SENP1: variants seen among roughly 807,000 people sequenced by gnomAD.
SENP1 encodes the protein SUMO specific peptidase 1.
A neutral mutation model predicts 93.0 loss-of-function variants in SENP1; 21 were observed. That is an observed-to-expected ratio of 0.23 (90% CI 0.16 to 0.33). The LOEUF is 0.33. Among genes scored for constraint, SENP1 ranks in the 10% least tolerant of loss-of-function variants. The probability of loss-of-function intolerance (pLI) is 1.00; values close to 1 mark genes in which losing one functional copy is unlikely to be tolerated. For missense variants in SENP1, 591 were observed against 758.7 expected, an observed-to-expected ratio of 0.78 and a Z score of 2.60; for synonymous variants, 256 against 259.6, an observed-to-expected ratio of 0.99 and a Z score of 0.13.
chr12:48,054,918 T>C (rs148210816), intron 13 of SENP1: 2 of 187,716 alleles, frequency 1.1e-5, no homozygotes, highest in East Asian at 3.0e-4. Context: ...TTAAAATATA[T>C]ACATTTTTAA....
In SENP1 at chr12:48,063,779, T is replaced by C; in HGVS notation, c.1338A>G (p.Glu446=). The change falls in exon 13 of 18, where the codon GAA becomes GAG. Residue 446 remains glutamate (E), a synonymous_variant. Transcript: ENST00000549518. ...TGCGTGTAATGGTCAGGCGAAATGC[T>C]TCACTGAGAACTTCATCCTGATTCC... ...RNGNQDEVLS[E]AFRLTITRKD... The C allele has an allele frequency of 6.2e-7, 1 of 1,613,164 alleles. No homozygotes were observed. The highest frequency in any genetic ancestry group is 8.5e-7 in the Non-Finnish European group (1 of 1,179,386).
chr12:48,102,752 C>G (rs546986645), intron 1 of SENP1, among the ~76,000 whole-genome samples: 17 of 145,206 alleles, frequency 1.2e-4, no homozygotes, highest in Admixed American at 8.5e-4. Context: ...TCTTGGCGTA[C>G]GAGACCACGC....
intron 9 of SENP1, among the ~76,000 whole-genome samples, chr12:48,071,418 C>A (rs545885465): frequency 3.3e-4 from 50 of 152,214 alleles, no homozygotes; most frequent in African/African-American, 1.1e-3. Context: ...GAGTTCGAGA[C>A]CAGCCTGGCC....
At chr12:48,102,065 T>C (rs750916178) in intron 1 of SENP1, among the ~76,000 whole-genome samples, 10 of 152,198 alleles carry the variant, frequency 6.6e-5, no homozygotes, top group Non-Finnish European at 1.3e-4. Context: ...CAAAGCCCCT[T>C]TGCCTATATA....
intron 9 of SENP1, among the ~76,000 whole-genome samples, chr12:48,068,421 C>T (rs912880704): frequency 4.6e-5 from 7 of 152,076 alleles, no homozygotes; most frequent in African/African-American, 1.7e-4. Context: ...TAATGAAAAT[C>T]CCTATACTAT....
intron 6 of SENP1, among the ~76,000 whole-genome samples, chr12:48,082,644 T>G (rs548815213): frequency 1.3e-5 from 2 of 152,226 alleles, no homozygotes; most frequent in Non-Finnish European, 2.9e-5. Context: ...AAATATGTAA[T>G]CTAACAGATA....
intron 4 of SENP1, among the ~76,000 whole-genome samples, chr12:48,094,052 G>A (rs1454211425): frequency 6.6e-6 from 1 of 152,144 alleles, no homozygotes; most frequent in Non-Finnish European, 1.5e-5. Flanking sequence ...CAGATAATCG[G>A]AAGAGATCAC....
At chr12:48,092,763 G>A (rs1219803530) in intron 4 of SENP1, among the ~76,000 whole-genome samples, 1 of 152,186 alleles carries the variant, frequency 6.6e-6, no homozygotes, top group Non-Finnish European at 1.5e-5. Flanking sequence ...TCAACTTGTG[G>A]TATGAGGATA....
rs1261928381 is a variant in SENP1, at chr12:48,074,517, A to C, written c.747T>G (p.Asp249Glu). ...TGCTGGCAGATCCAGATGATGAAGT[A>C]TCAGAGCCAATGATCTGAGATGCAC... ...NSCASQIIGS[D>E]TSSSGSASIL... The change falls in exon 8 of 18, where the codon GAT becomes GAG. Residue 249 changes from aspartate to glutamate, a missense_variant. Around this residue, in one of 4 missense-constraint regions of SENP1, gnomAD observed 238 missense variants for 259.1 expected, o/e 0.92. Transcript: ENST00000549518. 7 of 1,613,714 alleles carry C rather than the reference A, an allele frequency of 4.3e-6. No individual in the cohort carries two copies. The highest frequency in any genetic ancestry group is 5.1e-6 in the Non-Finnish European group (6 of 1,179,728).
At chr12:48,056,224 TGTA>T (rs1487173201) in intron 13 of SENP1, among the ~76,000 whole-genome samples, 15 of 116,402 alleles carry the variant, frequency 1.3e-4, no homozygotes, top group African/African-American at 3.2e-4. Context: ...ATATTTAAAA[TGTA>T]GTATATATTT....
intron 13 of SENP1, among the ~76,000 whole-genome samples, chr12:48,062,006 T>A (rs1942992591): frequency 6.6e-6 from 1 of 152,146 alleles, no homozygotes; most frequent in Non-Finnish European, 1.5e-5. Context: ...TCTAAAATAA[T>A]GTAATTTCCA....
intron 1 of SENP1, among the ~76,000 whole-genome samples, chr12:48,104,367 T>C (rs899156762): frequency 1.4e-5 from 2 of 147,484 alleles, no homozygotes; most frequent in Non-Finnish European, 3.0e-5. Flanking sequence ...AAGAAGGGTG[T>C]GAAAGCAACC....
chr12:48,073,409 T>C (rs937342257), intron 8 of SENP1, among the ~76,000 whole-genome samples: 1 of 150,982 alleles, frequency 6.6e-6, no homozygotes, highest in African/African-American at 2.4e-5. Context: ...TTTCACAAAG[T>C]ACAAATAGAT....
At chr12:48,098,889 T>A (rs1256072954) in intron 2 of SENP1, among the ~76,000 whole-genome samples, 1 of 152,138 alleles carries the variant, frequency 6.6e-6, no homozygotes, top group Non-Finnish European at 1.5e-5. Context: ...CTTTCATAGC[T>A]AACCAATGGC....
intron 4 of SENP1, chr12:48,089,414 C>T (rs1435525405): frequency 9.6e-7 from 1 of 1,045,142 alleles, no homozygotes; most frequent in African/African-American, 1.7e-5. Flanking sequence ...GTTTTAGTTA[C>T]CATGTTCAAG....
intron 2 of SENP1, among the ~76,000 whole-genome samples, chr12:48,099,428 A>G (rs1467250045): frequency 6.6e-6 from 1 of 152,230 alleles, no homozygotes; most frequent in Non-Finnish European, 1.5e-5. Flanking sequence ...AAAATTTTAA[A>G]TATAAAAAAA....
chr12:48,046,962 T>C lies in SENP1; in HGVS notation c.1776+16A>G, dbSNP rs763198519. On this transcript the variant is annotated intron_variant, in intron 16 of 17. Transcript: ENST00000549518. The stretch of plus-strand genomic sequence containing the variant: ...CCCTACTTTTAGGACTTTTATTTCA[T>C]CAAGATGAAAGGTACCTGGCTTTTC... 6 of 1,572,206 alleles carry C rather than the reference T, an allele frequency of 3.8e-6. No homozygotes were observed. The highest frequency in any genetic ancestry group is 5.2e-6 in the Non-Finnish European group (6 of 1,144,328).
At chr12:48,091,487 C>T (rs1945224296) in intron 4 of SENP1, among the ~76,000 whole-genome samples, 2 of 151,736 alleles carry the variant, frequency 1.3e-5, no homozygotes, top group African/African-American at 2.4e-5. Context: ...TAACTACTTA[C>T]TATGAAAGTA....
intron 4 of SENP1, among the ~76,000 whole-genome samples, chr12:48,094,501 G>A (rs751348127): frequency 9.9e-5 from 15 of 151,948 alleles, no homozygotes; most frequent in Non-Finnish European, 1.5e-4. Context: ...CCAACATGGC[G>A]AAACCCCATC....
Sources: gnomAD v4.1 joint callset for allele counts (sites outside exome capture counted in the v4.1 genomes callset) on GRCh38, gnomAD v4.1.1 for gene constraint, gnomAD v4.1.1 regional missense constraint, MANE v1.5 for transcripts, NCBI Gene and HGNC (gene_info 2026-07-23, HGNC 2026-07-21) for gene names.